Variants in CCL28 observed in about 807,000 individuals in gnomAD.
The protein encoded by CCL28 is C-C motif chemokine 28.
In CCL28, 4 loss-of-function variants were observed where a neutral mutation model predicts 7.1. The observed-to-expected ratio is 0.56, with a 90% CI of 0.28 to 1.29. The LOEUF is 1.29. Ranked by LOEUF, CCL28 falls within the 50% of genes most tolerant of loss-of-function variation. The probability of loss-of-function intolerance (pLI) is 0.11; values close to 1 mark genes in which losing one functional copy is unlikely to be tolerated. For synonymous variants in CCL28, 55 were observed against 57.8 expected (o/e 0.95, Z 0.22); for missense variants, 151 against 163.4 (o/e 0.92, Z 0.41).
intron 2 of CCL28, among the ~76,000 whole-genome samples, chr5:43,387,581 G>A (rs1167095416): frequency 6.6e-6 from 1 of 152,146 alleles, no homozygotes; most frequent in African/African-American, 2.4e-5. Context: ...ATATTTCCAC[G>A]CTTCTTTTTG....
chr5:43,386,487 C>T (rs1740340347), intron 2 of CCL28, among the ~76,000 whole-genome samples: 1 of 152,188 alleles, frequency 6.6e-6, no homozygotes, highest in Non-Finnish European at 1.5e-5. Context: ...AGAAAATTCT[C>T]AGGCTTCTCC....
the CCL28 span, among the ~76,000 whole-genome samples, chr5:43,360,845 CA>C: frequency 6.6e-6 from 1 of 151,806 alleles, no homozygotes; most frequent in East Asian, 1.9e-4. Flanking sequence ...CTTTGAAGTT[CA>C]GGGGTACATG....
chr5:43,392,364 G>A (rs1740609199), intron 1 of CCL28, among the ~76,000 whole-genome samples: 1 of 152,084 alleles, frequency 6.6e-6, no homozygotes, highest in South Asian at 2.1e-4. Context: ...TGATCTGCCT[G>A]CCTCGCCCTT....
intron 1 of CCL28, among the ~76,000 whole-genome samples, chr5:43,409,038 G>A (rs528812713): frequency 6.4e-4 from 97 of 152,126 alleles, no homozygotes; most frequent in African/African-American, 2.2e-3. Context: ...TACAGGCAGC[G>A]AGGCCAAGGC....
chr5:43,399,119 T>G (rs1321964343), intron 1 of CCL28, among the ~76,000 whole-genome samples: 1 of 152,186 alleles, frequency 6.6e-6, no homozygotes, highest in Non-Finnish European at 1.5e-5. Flanking sequence ...ACTGAAGACA[T>G]CATCTCCTGC....
chr5:43,359,104 A>G, the CCL28 span, among the ~76,000 whole-genome samples: 1 of 152,238 alleles, frequency 6.6e-6, no homozygotes. Context: ...CTGAATTCTA[A>G]TAAAATGTAG....
the CCL28 span, among the ~76,000 whole-genome samples, chr5:43,368,584 C>A: frequency 5.3e-5 from 8 of 152,296 alleles, no homozygotes; most frequent in Admixed American, 2.6e-4. Flanking sequence ...AAAGTCCTAA[C>A]CCCTACTACC....
the CCL28 span, among the ~76,000 whole-genome samples, chr5:43,369,036 A>AAGAGAGAGAGAGAG: frequency 9.6e-6 from 1 of 104,458 alleles, no homozygotes; most frequent in Non-Finnish European, 1.9e-5. Flanking sequence ...GAAAGAGAGA[A>AAGAGAGAGAGAGAG]AGAGAGAGAG....
At chr5:43,368,117 T>C in the CCL28 span, among the ~76,000 whole-genome samples, 1 of 152,204 alleles carries the variant, frequency 6.6e-6, no homozygotes, top group Non-Finnish European at 1.5e-5. Flanking sequence ...GCTTAATCTC[T>C]CTGAACCTTG....
At chr5:43,375,458 T>TAAAAAAAAA (rs56289620), downstream of CCL28, among the ~76,000 whole-genome samples, 1 of 32,750 alleles carries the variant, frequency 3.1e-5, no homozygotes, top group African/African-American at 1.2e-4. Flanking sequence ...GACAGAAAGC[T>TAAAAAAAAA]AAAAAAAAAA....
chr5:43,362,851 T>A, the CCL28 span, among the ~76,000 whole-genome samples: 2 of 152,214 alleles, frequency 1.3e-5, no homozygotes, highest in South Asian at 2.1e-4. Flanking sequence ...TATATATACA[T>A]ACCAAGTGGT....
intron 1 of CCL28, among the ~76,000 whole-genome samples, chr5:43,401,870 T>G (rs768967064): frequency 6.6e-6 from 1 of 152,196 alleles, no homozygotes; most frequent in African/African-American, 2.4e-5. Flanking sequence ...GTTGTTAAAC[T>G]TTATCTACAG....
chr5:43,409,024 G>A (rs770676651), intron 1 of CCL28, among the ~76,000 whole-genome samples: 32 of 151,984 alleles, frequency 2.1e-4, no homozygotes, highest in Non-Finnish European at 3.8e-4. Context: ...CCAATTGCTG[G>A]GATTACAGGC....
rs1579746787 is a variant in CCL28 at position 43,402,312 on chromosome 5, G to A, written c.64+9941C>T. On this transcript the variant is annotated intron_variant, in intron 1 of 2. Coordinates refer to ENST00000361115, the MANE Select transcript of CCL28 (RefSeq NM_148672.3). ...TTCATATTAAACTTTCAAATTATCT[G>A]GTTTCTGTCTCCTAATAGGACCTTG... Among the ~76,000 whole-genome samples the A allele has an allele frequency of 2.6e-5, 4 of 152,126 alleles. No homozygotes were observed. The East Asian group carries it at 7.7e-4, about 29-fold the overall frequency.
At chr5:43,410,279 C>A (rs571544971) in intron 1 of CCL28, among the ~76,000 whole-genome samples, 19 of 152,332 alleles carry the variant, frequency 1.2e-4, no homozygotes, top group African/African-American at 4.6e-4. Flanking sequence ...TACATGGACA[C>A]TTGAGTGGAA....
the CCL28 span, among the ~76,000 whole-genome samples, chr5:43,365,296 C>T: frequency 6.6e-6 from 1 of 152,166 alleles, no homozygotes; most frequent in Non-Finnish European, 1.5e-5. Context: ...AGCCACTGTG[C>T]CCAGTGGTCT....
the CCL28 span, among the ~76,000 whole-genome samples, chr5:43,359,011 A>G: frequency 2.0e-5 from 3 of 152,170 alleles, no homozygotes; most frequent in Admixed American, 2.0e-4. Flanking sequence ...CCCTTCCTAA[A>G]ACTGATCCCC....
At chr5:43,369,490 T>A in the CCL28 span, among the ~76,000 whole-genome samples, 1 of 152,124 alleles carries the variant, frequency 6.6e-6, no homozygotes, top group South Asian at 2.1e-4. Flanking sequence ...AGTGGTGGGA[T>A]CTTGGCTCAC....
chr5:43,363,369 G>A, the CCL28 span, among the ~76,000 whole-genome samples: 13 of 151,820 alleles, frequency 8.6e-5, no homozygotes, highest in Admixed American at 8.5e-4. Context: ...CCCTCACGGG[G>A]CTTTTCTAAT....
Sources: gnomAD v4.1 joint callset for allele counts (sites outside exome capture counted in the v4.1 genomes callset) on GRCh38, gnomAD v4.1.1 for gene constraint, MANE v1.5 for transcripts, NCBI Gene and HGNC (gene_info 2026-07-23, HGNC 2026-07-21) for gene names.